Variants in PRDM16 observed in about 807,000 individuals in gnomAD.
PRDM16 encodes the protein PR/SET domain 16.
In PRDM16, 23 loss-of-function variants were observed where a neutral mutation model predicts 110.6. That is an observed-to-expected ratio of 0.21 (90% CI 0.15 to 0.29). The LOEUF (loss-of-function observed/expected upper bound fraction) is 0.29. PRDM16 is among the 10% of genes least tolerant of loss of function. The probability of loss-of-function intolerance (pLI) is 1.00; values close to 1 mark genes in which losing one functional copy is unlikely to be tolerated. For missense variants in PRDM16, 1,615 were observed against 1,794.3 expected, an observed-to-expected ratio of 0.90 and a Z score of 1.81; for synonymous variants, 799 against 781.8, an observed-to-expected ratio of 1.02 and a Z score of -0.37.
rs1031851584 is a variant in PRDM16, at chr1:3,206,984, C to T, written c.387+20510C>T. Reference sequence around the variant, plus strand: ...GGTGACATAGAGGACAGCAATGCCGCCCGCATGTCCCCACATGGACCTGCT... The same window carrying T: ...GGTGACATAGAGGACAGCAATGCCGTCCGCATGTCCCCACATGGACCTGCT... On this transcript the variant is annotated intron_variant, in intron 2 of 16. Transcript: ENST00000270722. This position sits in a 1 kb window ranked among gnomAD's most constrained non-coding sequence, Gnocchi z 4.9. The T allele has an allele frequency of 6.6e-6, 1 of 152,262 alleles. No homozygotes were observed. The highest frequency in any genetic ancestry group is 2.4e-5 in the African/African-American group (1 of 41,444). The allele number at this position is 152,262 out of a possible 1,614,324, so 9.4% of individuals were successfully genotyped here.
rs1222571165 is a variant in PRDM16, at chr1:3,208,292, CG to C, written c.387+21819del. 1 of 152,190 alleles carries C rather than the reference CG, an allele frequency of 6.6e-6. No individual in the cohort carries two copies. The highest frequency in any genetic ancestry group is 2.4e-5 in the African/African-American group (1 of 41,428). The allele number at this position is 152,190 out of a possible 1,614,324, so 9.4% of individuals were successfully genotyped here. On this transcript the variant is annotated intron_variant, in intron 2 of 16. Transcript: ENST00000270722. The surrounding 1 kb of genome is among the most constrained non-coding windows in gnomAD (Gnocchi z 6.1). Reference sequence around the variant, plus strand: ...GCAGTTTCCCCACTGGCTCGGTTCACGTGCGGGCAGCGATTCTCTGGCCCTG... The same window carrying C: ...GCAGTTTCCCCACTGGCTCGGTTCACTGCGGGCAGCGATTCTCTGGCCCTG...
intron 1 of PRDM16, among the ~76,000 whole-genome samples, chr1:3,072,385 C>A (rs1641786384): frequency 6.6e-6 from 1 of 152,146 alleles, no homozygotes; most frequent in South Asian, 2.1e-4. Context: ...GCCTGATCCC[C>A]ACCTAGGTGG....
At chr1:3,366,164 G>A (rs945013752) in intron 3 of PRDM16, among the ~76,000 whole-genome samples, 7 of 152,200 alleles carry the variant, frequency 4.6e-5, no homozygotes, top group Non-Finnish European at 8.8e-5. Context: ...GCCGACAGCC[G>A]GAGAACACAG....
chr1:3,234,268 C>A (rs1341898968), intron 2 of PRDM16, among the ~76,000 whole-genome samples: 1 of 152,134 alleles, frequency 6.6e-6, no homozygotes, highest in Non-Finnish European at 1.5e-5. Flanking sequence ...AGGGGCTTCC[C>A]GAGACAGGGG....
Position 3,177,073 on chromosome 1 carries a change from A to G in PRDM16, c.38-9052A>G, listed in dbSNP as rs560420262. 3.9e-5 allele frequency among the ~76,000 whole-genome samples: 6 copies of G among 152,120 alleles called. No homozygotes were observed. The East Asian group carries it at 1.2e-3, about 29-fold the overall frequency. ...AACTCATCCATCCACTCATGTATCT[A>G]TACACTTATCCATTCATCCACTTAT... is the stretch of plus-strand genomic sequence containing the variant. On this transcript the variant is annotated intron_variant, in intron 1 of 16. Transcript: ENST00000270722.
intron 2 of PRDM16, among the ~76,000 whole-genome samples, chr1:3,239,033 A>AATG (rs1639602871): frequency 6.6e-6 from 1 of 152,176 alleles, no homozygotes; most frequent in African/African-American, 2.4e-5. Flanking sequence ...GGCCCCAAAA[A>AATG]ATGACCCGCT....
rs1326452247 is a variant in PRDM16, at chr1:3,112,942, T to C, written c.37+43646T>C. ...TGTGGGAACTCACTGAGGTCACATG[T>C]GCAAAGGGCTCAGCTGGCAGTTACA... On this transcript the variant is annotated intron_variant, in intron 1 of 16. Transcript: ENST00000270722. Among the ~76,000 whole-genome samples, 4 of 152,264 alleles carry C rather than the reference T, an allele frequency of 2.6e-5. No individual in the cohort carries two copies. In the South Asian group the frequency reaches 8.3e-4, roughly 31 times the overall value.
At chr1:3,115,115 C>G (rs948490874) in intron 1 of PRDM16, among the ~76,000 whole-genome samples, 1 of 152,256 alleles carries the variant, frequency 6.6e-6, no homozygotes, top group East Asian at 1.9e-4. Flanking sequence ...GTGCCCTGCC[C>G]CGCTCCTCCC....
intron 2 of PRDM16, among the ~76,000 whole-genome samples, chr1:3,222,488 C>T (rs1157061924): frequency 6.6e-6 from 1 of 152,270 alleles, no homozygotes; most frequent in African/African-American, 2.4e-5. Context: ...CAGGAAGCCT[C>T]TCCTTCGGCC....
intron 1 of PRDM16, among the ~76,000 whole-genome samples, chr1:3,161,271 C>G (rs140039616): frequency 1.3e-5 from 2 of 152,238 alleles, no homozygotes; most frequent in African/African-American, 4.8e-5. Flanking sequence ...ACACACAACA[C>G]GCTCGAAAGT....
chr1:3,181,707 C>A (rs1325216134), intron 1 of PRDM16, among the ~76,000 whole-genome samples: 1 of 128,378 alleles, frequency 7.8e-6, no homozygotes, highest in Admixed American at 7.6e-5. Context: ...TACACACGGT[C>A]TTACACACGC....
intron 2 of PRDM16, among the ~76,000 whole-genome samples, chr1:3,218,500 G>A (rs572747684): frequency 6.6e-6 from 1 of 152,242 alleles, no homozygotes; most frequent in African/African-American, 2.4e-5. Flanking sequence ...ACGCACACGT[G>A]CACACAGATG....
intron 3 of PRDM16, among the ~76,000 whole-genome samples, chr1:3,262,231 T>G (rs1381792696): frequency 6.6e-6 from 1 of 152,186 alleles, no homozygotes; most frequent in Non-Finnish European, 1.5e-5. Context: ...AGGCTCCTGT[T>G]TGATCCATTA....
chr1:3,231,774 G>A (rs1431961541), intron 2 of PRDM16, among the ~76,000 whole-genome samples: 2 of 152,224 alleles, frequency 1.3e-5, no homozygotes. Flanking sequence ...TGGGACCCCG[G>A]GAGGTTACTT....
intron 1 of PRDM16, among the ~76,000 whole-genome samples, chr1:3,126,172 C>T (rs1032709168): frequency 3.9e-5 from 6 of 152,180 alleles, no homozygotes; most frequent in Admixed American, 2.0e-4. Context: ...GCCCGGGCGC[C>T]GCTGGCCGCT....
intron 1 of PRDM16, among the ~76,000 whole-genome samples, chr1:3,135,018 G>A (rs1268379509): frequency 2.0e-5 from 3 of 152,216 alleles, no homozygotes; most frequent in African/African-American, 4.8e-5. Context: ...CCTGGTCCGC[G>A]TGCTGCTGCC....
chr1:3,132,407 G>A (rs553062135), intron 1 of PRDM16, among the ~76,000 whole-genome samples: 1 of 152,296 alleles, frequency 6.6e-6, no homozygotes, highest in Non-Finnish European at 1.5e-5. Flanking sequence ...CCCTTGGGAG[G>A]CCTGAGCCTT....
intron 1 of PRDM16, among the ~76,000 whole-genome samples, chr1:3,082,782 T>A (rs1350180490): frequency 6.6e-6 from 1 of 152,178 alleles, no homozygotes; most frequent in Non-Finnish European, 1.5e-5. Context: ...GCCCGCTTTG[T>A]GCGGAGTCCA....
intron 8 of PRDM16, among the ~76,000 whole-genome samples, chr1:3,406,124 G>GT (rs1293675651): frequency 6.6e-6 from 1 of 152,220 alleles, no homozygotes; most frequent in Non-Finnish European, 1.5e-5. Flanking sequence ...GCCCAGTGCT[G>GT]TTCCAGTGCG....
Sources: gnomAD v4.1 joint callset for allele counts (sites outside exome capture counted in the v4.1 genomes callset) on GRCh38, gnomAD v4.1.1 for gene constraint, Gnocchi (gnomAD v3.1) non-coding constraint, MANE v1.5 for transcripts, NCBI Gene and HGNC (gene_info 2026-07-23, HGNC 2026-07-21) for gene names.